EXOC4: variants seen among roughly 807,000 people sequenced by gnomAD.
EXOC4 encodes the protein SEC8-like 1.
Under a neutral mutation model 107.2 loss-of-function variants are expected in EXOC4, and 71 were observed. The observed-to-expected ratio is 0.66, with a 90% confidence interval of 0.55 to 0.81. The LOEUF is 0.81. Ranked by LOEUF, EXOC4 falls within the 30% of genes least tolerant of loss-of-function variation. The pLI is 0.00. For missense variants in EXOC4, 1,108 were observed against 1,189.6 expected, an observed-to-expected ratio of 0.93 and a Z score of 1.01; for synonymous variants, 456 against 441.2, an observed-to-expected ratio of 1.03 and a Z score of -0.42.
At chr7:133,979,787 CA>C (rs199583151) in intron 14 of EXOC4, among the ~76,000 whole-genome samples, 1 of 147,520 alleles carries the variant, frequency 6.8e-6, no homozygotes, top group South Asian at 2.2e-4. Context: ...GACTCCATCT[CA>C]AAAAAAAAGA....
At chr7:133,870,982 G>T (rs143247659) in intron 11 of EXOC4, among the ~76,000 whole-genome samples, 1 of 152,288 alleles carries the variant, frequency 6.6e-6, no homozygotes, top group African/African-American at 2.4e-5. Flanking sequence ...CACATTCGCT[G>T]TGCTCCAGGG....
At chr7:133,602,034 TTAACTATA>T (rs1298196037) in intron 9 of EXOC4, 2 of 152,292 alleles carry the variant, frequency 1.3e-5, no homozygotes, top group Non-Finnish European at 2.9e-5. Context: ...AGTACTTTTG[TTAACTATA>T]TAACCTCAGT....
chr7:134,025,519 A>T (rs1018812409), intron 17 of EXOC4, among the ~76,000 whole-genome samples: 1 of 152,170 alleles, frequency 6.6e-6, no homozygotes, highest in Non-Finnish European at 1.5e-5. Flanking sequence ...TCTTCTCTGG[A>T]CTGCCTTGGG....
At chr7:133,330,395 C>T (rs930626132) in intron 5 of EXOC4, among the ~76,000 whole-genome samples, 1 of 152,002 alleles carries the variant, frequency 6.6e-6, no homozygotes, top group African/African-American at 2.4e-5. Flanking sequence ...GCCAGAACTT[C>T]GCTCCCTGGC....
chr7:134,037,706 A>T (rs1585342226), intron 17 of EXOC4, among the ~76,000 whole-genome samples: 1 of 152,208 alleles, frequency 6.6e-6, no homozygotes, highest in African/African-American at 2.4e-5. Context: ...TAGAAGTGTC[A>T]TCTTTCCAGT....
At chr7:134,005,612 G>A (rs756765780) in intron 16 of EXOC4, among the ~76,000 whole-genome samples, 7 of 152,244 alleles carry the variant, frequency 4.6e-5, no homozygotes, top group Middle Eastern at 3.4e-3. Flanking sequence ...GACAGGAAGT[G>A]CCATCTAAAG....
chr7:133,420,567 C>T (rs1797581307), intron 7 of EXOC4, among the ~76,000 whole-genome samples: 1 of 152,084 alleles, frequency 6.6e-6, no homozygotes, highest in Non-Finnish European at 1.5e-5. Flanking sequence ...AAGCAAGTCA[C>T]AGTTCCCTCC....
rs35334259 is a variant in EXOC4, at chr7:133,412,278, GTTTT to G, written c.1182+37296_1182+37299del. Among the ~76,000 whole-genome samples, 25 of 71,482 alleles carry G rather than the reference GTTTT, an allele frequency of 3.5e-4. No homozygotes were observed. The East Asian group carries it at 7.4e-3, about 21-fold the overall frequency. The allele number at this position is 71,482 out of a possible 152,430, so 46.9% of individuals were successfully genotyped here. A position where few individuals can be genotyped will look rare whatever the true frequency, so the allele number is the denominator to read the frequency against. On this transcript the variant is annotated intron_variant, in intron 7 of 17. Coordinates refer to ENST00000253861, the MANE Select transcript of EXOC4 (RefSeq NM_021807.4). ...ATCTGGTCAATACTGTCAGAATTCA[GTTTT>G]TTTTTTTTTTTTTTTTTTTGCCAGT...
At chr7:133,536,889 A>T (rs1449719643) in intron 9 of EXOC4, among the ~76,000 whole-genome samples, 2 of 152,198 alleles carry the variant, frequency 1.3e-5, no homozygotes, top group African/African-American at 2.4e-5. Context: ...CAAAAGTAAG[A>T]CATATGCTTC....
chr7:133,933,342 A>G (rs965561094), intron 13 of EXOC4, among the ~76,000 whole-genome samples: 2 of 152,168 alleles, frequency 1.3e-5, no homozygotes, highest in African/African-American at 2.4e-5. Flanking sequence ...ATAGGCTTCT[A>G]TGTGAGCCTG....
At chr7:133,299,350 G>A (rs1308096171) in intron 3 of EXOC4, among the ~76,000 whole-genome samples, 1 of 152,094 alleles carries the variant, frequency 6.6e-6, no homozygotes, top group East Asian at 1.9e-4. Flanking sequence ...CTGCCGTTCT[G>A]TGAGGCTCAG....
chr7:133,711,307 C>T (rs984826702), intron 10 of EXOC4, among the ~76,000 whole-genome samples: 1 of 152,104 alleles, frequency 6.6e-6, no homozygotes, highest in African/African-American at 2.4e-5. Context: ...CAATTTGCTA[C>T]CTGTGGAGCT....
intron 7 of EXOC4, among the ~76,000 whole-genome samples, chr7:133,399,769 G>T (rs1797049378): frequency 1.3e-5 from 2 of 152,224 alleles, no homozygotes; most frequent in African/African-American, 4.8e-5. Flanking sequence ...AGACATAAGT[G>T]TAGGCTTTGG....
chr7:133,356,269 C>T (rs1435445291), intron 5 of EXOC4, 61 bp from the exon 6 acceptor site: 3 of 1,556,142 alleles, frequency 1.9e-6, no homozygotes, highest in East Asian at 2.3e-5. Flanking sequence ...TATTAGACTG[C>T]TCTGTTTTGG....
At position 134,031,430 on chromosome 7, in the gene EXOC4, G is replaced by T. The variant is rs149513727; in HGVS notation, c.2687+23595G>T. Among the ~76,000 whole-genome samples, 48 of 152,224 alleles carry T rather than the reference G, an allele frequency of 3.2e-4. No individual in the cohort carries two copies. The East Asian group carries it at 7.3e-3, about 23-fold the overall frequency. Reference sequence around the variant, plus strand: ...TTTTATGGGTTATGGAAAGACAGACGCAAGGTTTATAACCCTGCCTGGAAG... The same window carrying T: ...TTTTATGGGTTATGGAAAGACAGACTCAAGGTTTATAACCCTGCCTGGAAG... On this transcript the variant is annotated intron_variant, in intron 17 of 17. Coordinates refer to ENST00000253861, the MANE Select transcript of EXOC4 (RefSeq NM_021807.4).
intron 14 of EXOC4, among the ~76,000 whole-genome samples, chr7:133,986,019 A>G (rs1794105764): frequency 6.6e-6 from 1 of 152,242 alleles, no homozygotes; most frequent in African/African-American, 2.4e-5. Context: ...ATTGAGATGT[A>G]AAAGGATTCA....
chr7:133,594,704 G>A (rs1184818897), intron 9 of EXOC4, among the ~76,000 whole-genome samples: 1 of 151,920 alleles, frequency 6.6e-6, no homozygotes, highest in Non-Finnish European at 1.5e-5. Context: ...ATGTTGGCAA[G>A]GATGGTCTCA....
chr7:133,905,764 G>A (rs1442906032), intron 12 of EXOC4, among the ~76,000 whole-genome samples: 16 of 152,050 alleles, frequency 1.1e-4, no homozygotes, highest in Admixed American at 1.0e-3. Context: ...ACATAAGCAT[G>A]TTACCTTTAG....
intron 14 of EXOC4, among the ~76,000 whole-genome samples, chr7:133,964,299 C>G (rs1348336119): frequency 6.6e-6 from 1 of 152,032 alleles, no homozygotes; most frequent in Non-Finnish European, 1.5e-5. Flanking sequence ...AGTTGAAGAA[C>G]CAACCATATT....
Sources: allele counts gnomAD v4.1 joint callset (sites outside exome capture counted in the v4.1 genomes callset), GRCh38; gene constraint gnomAD v4.1.1; transcripts MANE v1.5; gene names NCBI Gene and HGNC (gene_info 2026-07-23, HGNC 2026-07-21).